The following LSM12 variants were observed in gnomAD, a reference collection of about 807,000 sequenced individuals.
The protein encoded by LSM12 is LSM12 homolog.
For synonymous variants in LSM12, 74 were observed against 87.3 expected (o/e 0.85, Z 0.85); for missense variants, 108 against 238.9 (o/e 0.45, Z 3.61).
intron 2 of LSM12, among the ~76,000 whole-genome samples, chr17:44,061,251 A>G (rs996212068): frequency 4.8e-5 from 7 of 145,376 alleles, no homozygotes; most frequent in African/African-American, 1.8e-4. Context: ...CGGGAGGCGG[A>G]GGTTGCGGTG....
At chr17:44,062,110 T>C (rs2049803811) in intron 2 of LSM12, among the ~76,000 whole-genome samples, 1 of 149,012 alleles carries the variant, frequency 6.7e-6, no homozygotes, top group Non-Finnish European at 1.5e-5. Flanking sequence ...TAGTCCCAGC[T>C]ACTAGGAAGG....
At position 44,037,396 on chromosome 17, in the gene LSM12, AG is replaced by A; in HGVS notation, c.495+15del. On this transcript the variant is annotated intron_variant, in intron 4 of 4. Transcript: ENST00000293406. ...CCATCCTCTCTCCCCTAAAGTCTGAAGGCTCCTTTACTTACTATTTTGCGTA... is the reference window on the plus strand; with the variant it reads ...CCATCCTCTCTCCCCTAAAGTCTGAAGCTCCTTTACTTACTATTTTGCGTA... 1.3e-6 allele frequency: 2 copies of A among 1,575,400 alleles called. No individual in the cohort carries two copies. Among genetic ancestry groups the A allele is most frequent in the South Asian group, 2.4e-5 (2 of 84,470 alleles).
At chr17:44,045,245 C>CGTTTTT (rs2049546693) in intron 2 of LSM12, among the ~76,000 whole-genome samples, 1 of 152,084 alleles carries the variant, frequency 6.6e-6, no homozygotes, top group South Asian at 2.1e-4. Context: ...TCAGGCTGGT[C>CGTTTTT]TCGAACTCCT....
chr17:44,048,570 G>A (rs917459515), intron 2 of LSM12, among the ~76,000 whole-genome samples: 2 of 151,746 alleles, frequency 1.3e-5, no homozygotes, highest in Non-Finnish European at 2.9e-5. Flanking sequence ...CTAGCTGCTG[G>A]CCTCACTACC....
intron 2 of LSM12, among the ~76,000 whole-genome samples, chr17:44,047,940 T>C (rs1049614647): frequency 6.7e-6 from 1 of 150,112 alleles, no homozygotes; most frequent in African/African-American, 2.5e-5. Flanking sequence ...TCCTAGCACT[T>C]TGGGAGGCTG....
chr17:44,041,330 CACAA>C (rs1353263051), intron 2 of LSM12, among the ~76,000 whole-genome samples: 1,734 of 122,536 alleles, frequency 0.014, 20 homozygotes, highest in African/African-American at 0.039. Context: ...CACACACACA[CACAA>C]ACACACACAC....
chr17:44,061,990 G>A (rs228761), intron 2 of LSM12, among the ~76,000 whole-genome samples: 63,313 of 151,944 alleles, frequency 0.42, 14,743 homozygotes, highest in Middle Eastern at 0.6. Flanking sequence ...GGGAGGCCGA[G>A]GCGGGCGGAT....
intron 1 of LSM12, among the ~76,000 whole-genome samples, chr17:44,065,652 G>A (rs1042521828): frequency 1.3e-5 from 2 of 151,992 alleles, no homozygotes; most frequent in Admixed American, 1.3e-4. Flanking sequence ...GTTTAACATT[G>A]CTACTTTCAA....
At chr17:44,049,614 T>C (rs893573696) in intron 2 of LSM12, among the ~76,000 whole-genome samples, 2 of 152,162 alleles carry the variant, frequency 1.3e-5, no homozygotes, top group Non-Finnish European at 2.9e-5. Flanking sequence ...ACACATATCT[T>C]GTCTGCACGC....
chr17:44,048,885 A>G (rs1442132489), intron 2 of LSM12, among the ~76,000 whole-genome samples: 2 of 152,142 alleles, frequency 1.3e-5, no homozygotes, highest in South Asian at 2.1e-4. Flanking sequence ...ATATCAAAGC[A>G]CATCAATATT....
chr17:44,048,430 C>T (rs1481996401), intron 2 of LSM12, among the ~76,000 whole-genome samples: 3 of 148,656 alleles, frequency 2.0e-5, no homozygotes, highest in Non-Finnish European at 3.0e-5. Flanking sequence ...TTCAGTTAGC[C>T]GAGCTTGCAC....
At chr17:44,046,143 G>A (rs2049560901) in intron 2 of LSM12, among the ~76,000 whole-genome samples, 2 of 150,860 alleles carry the variant, frequency 1.3e-5, no homozygotes, top group East Asian at 2.0e-4. Context: ...CACCCTGTTA[G>A]CCAGGATGGT....
chr17:44,056,784 G>A (rs1402467639), intron 2 of LSM12, among the ~76,000 whole-genome samples: 6 of 151,830 alleles, frequency 4.0e-5, no homozygotes, highest in East Asian at 3.9e-4. Context: ...ACCTGAGGTC[G>A]GGAGTTCAAG....
intron 2 of LSM12, among the ~76,000 whole-genome samples, chr17:44,058,996 A>G (rs1232352939): frequency 2.6e-5 from 4 of 151,954 alleles, no homozygotes; most frequent in Non-Finnish European, 5.9e-5. Flanking sequence ...GTGCGAGACT[A>G]ACTAAAAAGA....
At chr17:44,040,693 G>A (rs865831053) in intron 2 of LSM12, among the ~76,000 whole-genome samples, 4 of 151,994 alleles carry the variant, frequency 2.6e-5, no homozygotes, top group Admixed American at 6.6e-5. Flanking sequence ...ATACATTTCC[G>A]GCCAGGGGAG....
chr17:44,034,585 G>A lies in LSM12; in HGVS notation c.*1623C>T, dbSNP rs1244965579. On this transcript the variant is annotated 3_prime_UTR_variant, in exon 5 of 5. Coordinates refer to ENST00000293406, the MANE Select transcript of LSM12 (RefSeq NM_001371445.1). ...AGGTCAAATCAGACAGACATACCTT[G>A]GATCCTCTCCCCTGGGGCCTCTGAA... The A allele has an allele frequency of 6.6e-6, 1 of 152,436 alleles. No individual in the cohort carries two copies. Among genetic ancestry groups the A allele is most frequent in the Non-Finnish European group, 1.5e-5 (1 of 68,018 alleles). 9.4% of individuals were successfully genotyped at this position (152,436 alleles called of 1,614,324 possible).
rs779100000 is a variant in LSM12 at position 44,066,533 on chromosome 17, T to TCCGGCACGA, written c.46_54dup (p.Ser16_Arg18dup). 6.6e-7 allele frequency: 1 copy of TCCGGCACGA among 1,518,856 alleles called. No homozygotes were observed. The highest frequency in any genetic ancestry group is 1.2e-5 in the South Asian group (1 of 81,418). The allele number at this position is 1,518,856 out of a possible 1,614,324, so 94.1% of individuals were successfully genotyped here. On this transcript the variant is annotated inframe_insertion, in exon 1 of 5. Transcript: ENST00000293406. ...CCCTGCAGCCGCTGCTCCTGGCACG[T>TCCGGCACGA]CCGGCACGACACCTGGCTCCCAACG...
At chr17:44,047,872 C>G (rs2049590153) in intron 2 of LSM12, among the ~76,000 whole-genome samples, 1 of 151,940 alleles carries the variant, frequency 6.6e-6, no homozygotes, top group African/African-American at 2.4e-5. Context: ...CATAAACCAC[C>G]AAGCCCGGGC....
intron 3 of LSM12, among the ~76,000 whole-genome samples, chr17:44,038,993 T>TCAAATGTTC (rs1039433216): frequency 7.2e-5 from 11 of 152,032 alleles, no homozygotes; most frequent in Non-Finnish European, 1.3e-4. Flanking sequence ...GAGAGGGGTG[T>TCAAATGTTC]CAAATGTTCC....
Sources: allele counts gnomAD v4.1 joint callset (sites outside exome capture counted in the v4.1 genomes callset), GRCh38; gene constraint gnomAD v4.1.1; transcripts MANE v1.5; gene names NCBI Gene and HGNC (gene_info 2026-07-23, HGNC 2026-07-21).